ARMC2: variants seen among roughly 807,000 people sequenced by gnomAD.
ARMC2 encodes armadillo repeat-containing protein 2.
In ARMC2, 67 loss-of-function variants were observed where a neutral mutation model predicts 90.3. That is an observed-to-expected ratio of 0.74 (90% CI 0.61 to 0.91). The LOEUF (loss-of-function observed/expected upper bound fraction) is 0.91, where lower values mean the gene tolerates loss of function less well. Among genes scored for constraint, ARMC2 ranks in the 40% least tolerant of loss-of-function variants. The pLI is 0.00. For missense variants in ARMC2, 920 were observed against 1,030.9 expected, an observed-to-expected ratio of 0.89 and a Z score of 1.47; for synonymous variants, 393 against 393.0, an observed-to-expected ratio of 1.00 and a Z score of 0.00.
At chr6:108,938,599 C>CTTTTTTTTTTT (rs4027582) in intron 12 of ARMC2, among the ~76,000 whole-genome samples, 50 of 83,108 alleles carry the variant, frequency 6.0e-4, no homozygotes, top group Non-Finnish European at 7.5e-4. Flanking sequence ...CCATTACTAC[C>CTTTTTTTTTTT]TTTTTTTTTT....
chr6:108,879,379 C>G (rs1777274361), intron 5 of ARMC2, among the ~76,000 whole-genome samples: 1 of 151,754 alleles, frequency 6.6e-6, no homozygotes, highest in Non-Finnish European at 1.5e-5. Flanking sequence ...ACCTATCCAC[C>G]CATCCATTCA....
At chr6:108,857,902 A>G (rs917773569) in intron 2 of ARMC2, among the ~76,000 whole-genome samples, 8 of 152,202 alleles carry the variant, frequency 5.3e-5, no homozygotes, top group African/African-American at 1.4e-4. Context: ...TTTGGAATGA[A>G]ATGGTTACTA....
In ARMC2 at chr6:108,894,482, AC is replaced by A; in HGVS notation, c.688del (p.His230MetfsTer13). The A allele has an allele frequency of 6.2e-7, 1 of 1,610,764 alleles. No individual in the cohort carries two copies. The highest frequency in any genetic ancestry group is 8.5e-7 in the Non-Finnish European group (1 of 1,178,674). On this transcript the variant is annotated frameshift_variant, in exon 6 of 18. Coordinates refer to ENST00000392644, the MANE Select transcript of ARMC2 (RefSeq NM_032131.6). LOFTEE classifies it high-confidence loss of function. ...TTCCTCCTAGGGACCAGGGGAAGAG[AC>A]ATGCGAGGGCCTCATCATGCCCCAG... ...LKNGGDQGKR[H>X]ARASSCPSSS...
chr6:108,878,935 A>AC (rs1777201584), intron 5 of ARMC2, among the ~76,000 whole-genome samples: 1 of 151,726 alleles, frequency 6.6e-6, no homozygotes, highest in Non-Finnish European at 1.5e-5. Context: ...CGACATATCT[A>AC]CCCATACATC....
At chr6:108,928,581 CAA>C (rs892293274) in intron 11 of ARMC2, among the ~76,000 whole-genome samples, 1 of 152,110 alleles carries the variant, frequency 6.6e-6, no homozygotes, top group Non-Finnish European at 1.5e-5. Flanking sequence ...AGGAAATAAA[CAA>C]GAGTTTTAAC....
At chr6:108,962,157 A>G (rs1778047756) in intron 15 of ARMC2, 30 bp downstream of exon 15, 1 of 1,521,960 alleles carries the variant, frequency 6.6e-7, no homozygotes. Flanking sequence ...ATTCATAAAC[A>G]TTCACTTTTT....
intron 5 of ARMC2, among the ~76,000 whole-genome samples, chr6:108,881,238 CTT>C (rs1777530102): frequency 1.4e-5 from 2 of 139,098 alleles, no homozygotes; most frequent in Admixed American, 1.4e-4. Flanking sequence ...CTGTCTTTCT[CTT>C]TCTTTTTCTT....
At position 108,921,795 on chromosome 6, in the gene ARMC2, T is replaced by C. The variant is rs573178323; in HGVS notation, c.1351-6293T>C. On this transcript the variant is annotated intron_variant, in intron 10 of 17. Coordinates refer to ENST00000392644, the MANE Select transcript of ARMC2 (RefSeq NM_032131.6). ...TCTCTGGCGGCTGCGTTTATTCTTT[T>C]ACATCATCAGTGGGAAGTCAACAAT... Among the ~76,000 whole-genome samples the C allele has an allele frequency of 2.0e-5, 3 of 152,372 alleles. No individual in the cohort carries two copies. The East Asian group carries it at 5.8e-4, about 29-fold the overall frequency.
chr6:108,879,695 A>T (rs1449696735), intron 5 of ARMC2, among the ~76,000 whole-genome samples: 1 of 152,148 alleles, frequency 6.6e-6, no homozygotes, highest in Non-Finnish European at 1.5e-5. Flanking sequence ...GTAAACGTTC[A>T]AACTATCATG....
chr6:108,898,039 C>A (rs1473502259), intron 6 of ARMC2, among the ~76,000 whole-genome samples: 1 of 152,016 alleles, frequency 6.6e-6, no homozygotes, highest in African/African-American at 2.4e-5. Flanking sequence ...ATCCTAATCC[C>A]AATATTTAGA....
chr6:108,954,339 T>C (rs140616140), intron 13 of ARMC2, among the ~76,000 whole-genome samples: 35 of 152,240 alleles, frequency 2.3e-4, no homozygotes, highest in African/African-American at 7.7e-4. Flanking sequence ...ATCTTGCCAC[T>C]ATTAGGTGGG....
intron 10 of ARMC2, among the ~76,000 whole-genome samples, chr6:108,927,677 A>G (rs116869726): frequency 0.017 from 2,588 of 151,662 alleles, 60 homozygotes; most frequent in Admixed American, 0.068. Flanking sequence ...TTATAAAAGC[A>G]TAGAACAATC....
At chr6:108,995,289 G>C in the ARMC2 span, among the ~76,000 whole-genome samples, 1 of 152,200 alleles carries the variant, frequency 6.6e-6, no homozygotes, top group African/African-American at 2.4e-5. Flanking sequence ...CAAAGTATAA[G>C]TGATTTTGCA....
chr6:108,911,073 T>G, intron 9 of ARMC2, 72 bp downstream of exon 9: 1 of 906,416 alleles, frequency 1.1e-6, no homozygotes, highest in Non-Finnish European at 1.7e-6. Flanking sequence ...GGAGAGAAAA[T>G]ATATAATCAA....
At chr6:108,849,761 A>G (rs539499515) in intron 1 of ARMC2, among the ~76,000 whole-genome samples, 40 of 152,382 alleles carry the variant, frequency 2.6e-4, no homozygotes, top group African/African-American at 9.1e-4. Flanking sequence ...TAATTCTTCA[A>G]ACAATCCTAT....
At chr6:109,006,898 G>T in the ARMC2 span, among the ~76,000 whole-genome samples, 2 of 152,178 alleles carry the variant, frequency 1.3e-5, no homozygotes, top group African/African-American at 4.8e-5. Context: ...ATCTGTAGCT[G>T]TAAGAAACTT....
chr6:108,893,033 T>C (rs953667716), intron 5 of ARMC2, among the ~76,000 whole-genome samples: 1 of 152,214 alleles, frequency 6.6e-6, no homozygotes, highest in African/African-American at 2.4e-5. Flanking sequence ...TGCACTCTTC[T>C]TTTCCTGGTG....
chr6:108,894,035 A>C (rs1369835267), intron 5 of ARMC2, among the ~76,000 whole-genome samples: 1 of 152,152 alleles, frequency 6.6e-6, no homozygotes, highest in Non-Finnish European at 1.5e-5. Flanking sequence ...ATAGAGCACC[A>C]AACCCCATCT....
chr6:109,049,940 G>C, the ARMC2 span, among the ~76,000 whole-genome samples: 11 of 151,942 alleles, frequency 7.2e-5, no homozygotes, highest in Non-Finnish European at 1.6e-4. Context: ...TTGAAACATA[G>C]GCAACAGCTT....
Sources: gnomAD v4.1 joint callset for allele counts (sites outside exome capture counted in the v4.1 genomes callset) on GRCh38, gnomAD v4.1.1 for gene constraint, MANE v1.5 for transcripts, NCBI Gene and HGNC (gene_info 2026-07-23, HGNC 2026-07-21) for gene names.